Variants in TEP1 observed in about 807,000 individuals in gnomAD.
The protein encoded by TEP1 is telomerase protein component 1.
Under a neutral mutation model 306.3 loss-of-function variants are expected in TEP1, and 241 were observed. That is an observed-to-expected ratio of 0.79 (90% confidence interval 0.71 to 0.88). TEP1 has a LOEUF of 0.88. Ranked by LOEUF, TEP1 falls within the 40% of genes least tolerant of loss-of-function variation. TEP1 has a pLI of 0.00. For synonymous variants in TEP1, 1,289 were observed against 1,305.5 expected (o/e 0.99, Z 0.27); for missense variants, 3,051 against 3,276.1 (o/e 0.93, Z 1.68).
chr14:20,407,075 C>G (rs139605910), intron 2 of TEP1, among the ~76,000 whole-genome samples: 1 of 152,114 alleles, frequency 6.6e-6, no homozygotes, highest in Admixed American at 6.5e-5. Flanking sequence ...TCCCTCAACC[C>G]GAAACACAAG....
intron 9 of TEP1, among the ~76,000 whole-genome samples, chr14:20,398,886 G>T (rs1878439280): frequency 6.6e-6 from 1 of 152,020 alleles, no homozygotes; most frequent in African/African-American, 2.4e-5. Flanking sequence ...GAAGTCTTGG[G>T]ATTCTCCAGT....
chr14:20,380,871 C>T, intron 33 of TEP1, 60 bp downstream of exon 33: 3 of 1,426,796 alleles, frequency 2.1e-6, no homozygotes, highest in Non-Finnish European at 2.0e-6. Context: ...GCAGGGCCCC[C>T]ATAAGCACAC....
chr14:20,401,456 C>T lies in TEP1; in HGVS notation c.1391+1G>A. 1.2e-6 allele frequency: 2 copies of T among 1,613,982 alleles called. No individual in the cohort carries two copies. Among genetic ancestry groups the T allele is most frequent in the Non-Finnish European group, 1.7e-6 (2 of 1,179,958 alleles). ...TGCATGCTCAGGGTGCAGCTTCTCACCTGTAACCCAGCAGGGCTTGAACGT... is the reference window on the plus strand; with the variant it reads ...TGCATGCTCAGGGTGCAGCTTCTCATCTGTAACCCAGCAGGGCTTGAACGT... On this transcript the variant is annotated splice_donor_variant, in intron 8 of 54. Transcript: ENST00000262715. LOFTEE classifies it high-confidence loss of function.
rs1566483975 is a variant in TEP1, at chr14:20,406,147, C to A, written c.735+86G>T. 6 of 1,366,314 alleles carry A rather than the reference C, an allele frequency of 4.4e-6. No homozygotes were observed. The East Asian group carries it at 6.9e-5, about 16-fold the overall frequency. The allele number at this position is 1,366,314 out of a possible 1,614,324, so 84.6% of individuals were successfully genotyped here. A position where few individuals can be genotyped will look rare whatever the true frequency, so the allele number is the denominator to read the frequency against. Reference sequence around the variant, plus strand: ...TTGTATCCCTACCTTCCCCTTCCAACTGGGGAGGGGACCTGGTTCAAGTAC... The same window carrying A: ...TTGTATCCCTACCTTCCCCTTCCAAATGGGGAGGGGACCTGGTTCAAGTAC... On this transcript the variant is annotated intron_variant, in intron 3 of 54. Transcript: ENST00000262715.
Position 20,378,154 on chromosome 14 carries a change from C to G in TEP1, c.5591G>C (p.Ser1864Thr). 3 of 1,613,942 alleles carry G rather than the reference C, an allele frequency of 1.9e-6. No individual in the cohort carries two copies. Among genetic ancestry groups the G allele is most frequent in the Non-Finnish European group, 2.5e-6 (3 of 1,180,026 alleles). ...TCGCCAGGCCCACAGCTCCACCATA[C>G]TGTCCAGCCGGCCCACAGCCACAAC... ...GGVVAVGRLD[S>T]MVELWAWREG... is the part of the protein sequence containing the mutation. The change falls in exon 39 of 55, where the codon AGT (serine) becomes ACT (threonine). Residue 1864 changes from serine to threonine, a missense_variant. By Grantham distance (58) the Ser-to-Thr change is moderately conservative. This residue lies in a region of TEP1 where 1,540 missense variants were observed against 1,705.9 expected (regional missense o/e 0.90). Transcript: ENST00000262715.
intron 13 of TEP1, 36 bp downstream of exon 13, chr14:20,391,563 A>G (rs1877720594): frequency 6.3e-7 from 1 of 1,594,806 alleles, no homozygotes; most frequent in African/African-American, 1.3e-5. Flanking sequence ...CATTCTACCA[A>G]CCCAACCCCT....
chr14:20,367,632 G>A lies in TEP1; in HGVS notation c.*805C>T, dbSNP rs1713442. ...GGGTAGTTCTTTTTTTTTTTTTTTA[G>A]ACAGAGTCTCGCTCTGTTGCCCAGG... On this transcript the variant is annotated 3_prime_UTR_variant, in exon 55 of 55. Transcript: ENST00000262715. 6.8e-6 allele frequency: 1 copy of A among 146,618 alleles called. No homozygotes were observed. Among genetic ancestry groups the A allele is most frequent in the Non-Finnish European group, 1.5e-5 (1 of 67,312 alleles). The allele number at this position is 146,618 out of a possible 1,614,324, so 9.1% of individuals were successfully genotyped here.
At chr14:20,401,804 C>A (rs992142376) in intron 7 of TEP1, among the ~76,000 whole-genome samples, 4 of 152,166 alleles carry the variant, frequency 2.6e-5, no homozygotes, top group Admixed American at 6.5e-5. Flanking sequence ...CTGTTTCATT[C>A]ACACAAGCAG....
intron 12 of TEP1, among the ~76,000 whole-genome samples, chr14:20,393,647 C>T (rs1355995790): frequency 6.6e-6 from 1 of 152,038 alleles, no homozygotes; most frequent in African/African-American, 2.4e-5. Context: ...CAAAAATTAG[C>T]GGGGTGTGGT....
At chr14:20,374,863 G>A (rs553342514) in intron 43 of TEP1, among the ~76,000 whole-genome samples, 3 of 152,290 alleles carry the variant, frequency 2.0e-5, no homozygotes, top group South Asian at 4.1e-4. Context: ...GCCGAGGCAG[G>A]TGGATCGCCT....
At chr14:20,407,427 C>T (rs1879262602) in intron 2 of TEP1, among the ~76,000 whole-genome samples, 1 of 152,146 alleles carries the variant, frequency 6.6e-6, no homozygotes, top group South Asian at 2.1e-4. Flanking sequence ...GACACAATCT[C>T]GCCTCCCGGT....
At chr14:20,403,337 T>C in intron 7 of TEP1, 40 bp downstream of exon 7, 4 of 1,606,844 alleles carry the variant, frequency 2.5e-6, no homozygotes, top group Non-Finnish European at 3.4e-6. Context: ...CCAGAAGAGA[T>C]TGTACATGCA....
Position 20,371,289 on chromosome 14 carries a change from T to G in TEP1, c.7246A>C (p.Ile2416Leu), listed in dbSNP as rs1183594335. 1 of 1,614,048 alleles carries G rather than the reference T, an allele frequency of 6.2e-7. No individual in the cohort carries two copies. Among genetic ancestry groups the G allele is most frequent in the East Asian group, 2.2e-5 (1 of 44,898 alleles). Residue 2416 changes from isoleucine (I) to leucine (L), a missense_variant, in exon 51 of 55, where the codon ATA becomes CTA. Physicochemically the swap from Ile to Leu is conservative, Grantham distance 5. Around this residue, in one of 3 missense-constraint regions of TEP1, gnomAD observed 1,540 missense variants for 1,705.9 expected, o/e 0.90. Transcript: ENST00000262715. The part of the protein sequence containing the change: ...IWSSYTENPM[I>L]LSTHKEYGIF... ...CCATACTCCTTGTGGGTGGACAATA[T>G]CATAGGATTTTCTGTATAGCTGCTC...
At chr14:20,395,975 A>G in intron 10 of TEP1, 26 bp from the exon 11 acceptor site, 5 of 1,601,696 alleles carry the variant, frequency 3.1e-6, no homozygotes, top group Non-Finnish European at 4.3e-6. Context: ...GGGAGGGGTC[A>G]TGAGCACAGG....
chr14:20,397,817 A>C (rs1396423364), intron 9 of TEP1, among the ~76,000 whole-genome samples: 1 of 151,784 alleles, frequency 6.6e-6, no homozygotes, highest in African/African-American at 2.4e-5. Context: ...GTGGTGGTGC[A>C]ATCTCAGCTC....
At chr14:20,382,169 A>G (rs571293260) in intron 29 of TEP1, 55 bp downstream of exon 29, 50 of 1,613,242 alleles carry the variant, frequency 3.1e-5, no homozygotes, top group Non-Finnish European at 4.1e-5. Flanking sequence ...AAGGGAACCA[A>G]TGTAATCCGA....
At position 20,373,010 on chromosome 14, in the gene TEP1, C is replaced by A. The variant is rs774224758; in HGVS notation, c.6951+1G>T. On this transcript the variant is annotated splice_donor_variant, in intron 48 of 54. Coordinates refer to ENST00000262715, the MANE Select transcript of TEP1 (RefSeq NM_007110.5). LOFTEE classifies it high-confidence loss of function. ...AAAGAACCAAGGGTACACCGACTCA[C>A]CTGTGCTGTGGCCACAGCCTTAGCT... 7.4e-6 allele frequency: 12 copies of A among 1,614,104 alleles called. No homozygotes were observed. The highest frequency in any genetic ancestry group is 1.0e-5 in the Non-Finnish European group (12 of 1,180,042).
intron 1 of TEP1, among the ~76,000 whole-genome samples, chr14:20,410,664 A>G (rs1294837172): frequency 2.0e-5 from 3 of 147,582 alleles, no homozygotes; most frequent in South Asian, 2.1e-4. Context: ...CTGGTCTCGA[A>G]CTCCTGACCT....
At chr14:20,403,029 C>CGGGT (rs1272431367) in intron 7 of TEP1, among the ~76,000 whole-genome samples, 4 of 151,914 alleles carry the variant, frequency 2.6e-5, no homozygotes, top group African/African-American at 9.7e-5. Context: ...TGGTGGCACA[C>CGGGT]GCCTGTAGTC....
Sources: gnomAD v4.1 joint callset for allele counts (sites outside exome capture counted in the v4.1 genomes callset) on GRCh38, gnomAD v4.1.1 for gene constraint, gnomAD v4.1.1 regional missense constraint, MANE v1.5 for transcripts, NCBI Gene and HGNC (gene_info 2026-07-23, HGNC 2026-07-21) for gene names.